Variants in LNPK observed in about 807,000 individuals in gnomAD.
LNPK encodes the protein endoplasmic reticulum junction formation protein lunapark.
Under a neutral mutation model 55.2 loss-of-function variants are expected in LNPK, and 29 were observed. The observed-to-expected ratio is 0.53, with a 90% CI of 0.39 to 0.72. The LOEUF is 0.72. Ranked by LOEUF, LNPK falls within the 30% of genes least tolerant of loss-of-function variation. The pLI is 0.00. For synonymous variants in LNPK, 162 were observed against 168.2 expected (o/e 0.96, Z 0.29); for missense variants, 467 against 494.8 (o/e 0.94, Z 0.53).
chr2:175,950,868 C>G (rs1195609856), intron 8 of LNPK, among the ~76,000 whole-genome samples: 1 of 152,016 alleles, frequency 6.6e-6, no homozygotes, highest in Non-Finnish European at 1.5e-5. Context: ...CTAAAGGTTC[C>G]AACGATTATT....
intron 9 of LNPK, among the ~76,000 whole-genome samples, chr2:175,943,215 A>T (rs1574822249): frequency 4.6e-5 from 2 of 43,546 alleles, no homozygotes; most frequent in African/African-American, 1.6e-4. Flanking sequence ...ATTTTTAGTT[A>T]AAAAAAAAAA....
At chr2:176,001,791 AC>A (rs1440283713) in intron 1 of LNPK, among the ~76,000 whole-genome samples, 4 of 151,992 alleles carry the variant, frequency 2.6e-5, no homozygotes, top group Non-Finnish European at 5.9e-5. Flanking sequence ...TCTTTGCCCC[AC>A]CTGTGTCGAG....
intron 4 of LNPK, among the ~76,000 whole-genome samples, chr2:175,991,578 A>G (rs1252990934): frequency 6.6e-6 from 1 of 152,166 alleles, no homozygotes; most frequent in East Asian, 1.9e-4. Context: ...TGTTTATAAC[A>G]TTCATCATAC....
chr2:175,932,143 C>T, intron 12 of LNPK: 1 of 454,704 alleles, frequency 2.2e-6, no homozygotes, highest in Non-Finnish European at 4.4e-6. Flanking sequence ...TTCTGTCTGA[C>T]AGACTGCCTC....
rs1684177643 is a variant in LNPK, at chr2:175,929,862, C to A, written c.*105G>T. The A allele has an allele frequency of 2.0e-6, 3 of 1,508,988 alleles. No homozygotes were observed. Among genetic ancestry groups the A allele is most frequent in the African/African-American group, 2.8e-5 (2 of 71,540 alleles). The allele number at this position is 1,508,988 out of a possible 1,614,324, so 93.5% of individuals were successfully genotyped here. ...AGGCAATCTGAATTCAAATGATACACAAGCATACCCTTAGAGGGGCAAAAA... is the reference window on the plus strand; with the variant it reads ...AGGCAATCTGAATTCAAATGATACAAAAGCATACCCTTAGAGGGGCAAAAA... On this transcript the variant is annotated 3_prime_UTR_variant, in exon 13 of 13. Coordinates refer to ENST00000272748, the MANE Select transcript of LNPK (RefSeq NM_030650.3).
chr2:175,947,334 T>C (rs1685183303), intron 9 of LNPK, 146 bp downstream of exon 9: 4 of 636,554 alleles, frequency 6.3e-6, no homozygotes, highest in South Asian at 4.4e-5. Flanking sequence ...TTATGGCTAA[T>C]TGAATATGGA....
chr2:175,962,275 G>C (rs1574854273), intron 8 of LNPK, among the ~76,000 whole-genome samples: 2 of 152,266 alleles, frequency 1.3e-5, no homozygotes, highest in Admixed American at 6.5e-5. Context: ...AACAAAGCTG[G>C]AGGCATCACA....
intron 8 of LNPK, among the ~76,000 whole-genome samples, chr2:175,948,864 C>T (rs931228338): frequency 6.6e-6 from 1 of 152,078 alleles, no homozygotes; most frequent in Admixed American, 6.6e-5. Flanking sequence ...CAGGGCCCTG[C>T]AGTTAGAAAG....
chr2:175,986,870 C>T (rs1687439050), intron 4 of LNPK, among the ~76,000 whole-genome samples: 2 of 150,830 alleles, frequency 1.3e-5, no homozygotes, highest in Admixed American at 6.6e-5. Context: ...CAAAAAAACA[C>T]ATCAAGTATG....
intron 12 of LNPK, chr2:175,935,920 T>C (rs560465371): frequency 6.6e-6 from 1 of 150,988 alleles, no homozygotes; most frequent in South Asian, 2.1e-4. Flanking sequence ...TCTTCCTGTC[T>C]TTTTTTTTTG....
chr2:175,946,800 A>G (rs376067989), intron 9 of LNPK, among the ~76,000 whole-genome samples: 8 of 152,290 alleles, frequency 5.3e-5, no homozygotes, highest in African/African-American at 1.9e-4. Context: ...TACATAAAAC[A>G]ATGTGATCTG....
chr2:175,980,335 A>G (rs1393194538), intron 4 of LNPK, among the ~76,000 whole-genome samples: 2 of 152,226 alleles, frequency 1.3e-5, no homozygotes, highest in Non-Finnish European at 2.9e-5. Flanking sequence ...TTAACAATAG[A>G]GGGACAGTCT....
At position 175,942,925 on chromosome 2, in the gene LNPK, G is replaced by GA. The variant is rs1028436094; in HGVS notation, c.707-3269dup. ...GTTAACCTCTAGCCAGACTAATCAG[G>GA]AAAAAAAAAAAAGAAGATACAAACT... On this transcript the variant is annotated intron_variant, in intron 9 of 12. Transcript: ENST00000272748. 1.2e-3 allele frequency among the ~76,000 whole-genome samples: 155 copies of GA among 133,930 alleles called. 1 individual carries two copies. Among genetic ancestry groups the GA allele is most frequent in the East Asian group, 0.011 (50 of 4,692 alleles). 87.9% of individuals were successfully genotyped at this position (133,930 alleles called of 152,430 possible). A position where few individuals can be genotyped will look rare whatever the true frequency, so the allele number is the denominator to read the frequency against.
intron 5 of LNPK, among the ~76,000 whole-genome samples, chr2:175,975,302 T>TAA (rs1436276435): frequency 3.9e-5 from 6 of 152,234 alleles, no homozygotes; most frequent in African/African-American, 1.4e-4. Context: ...CTAACCCATT[T>TAA]AAGCAAGAAA....
At position 175,924,080 on chromosome 2, in the gene LNPK, T is replaced by C. The variant is rs1683905064; in HGVS notation, c.*5887A>G. The C allele has an allele frequency of 6.6e-6, 1 of 152,194 alleles. No individual in the cohort carries two copies. The highest frequency in any genetic ancestry group is 1.5e-5 in the Non-Finnish European group (1 of 68,014). 9.4% of individuals were successfully genotyped at this position (152,194 alleles called of 1,614,324 possible). On this transcript the variant is annotated 3_prime_UTR_variant, in exon 13 of 13. Transcript: ENST00000272748. ...CTGTAACATACAGCAGATCACCAAT[T>C]CACAATCATCTCTACCTTGGTTCAT...
At chr2:175,970,701 A>T (rs1016860377) in intron 6 of LNPK, 63 bp downstream of exon 6, 2 of 909,802 alleles carry the variant, frequency 2.2e-6, no homozygotes, top group Non-Finnish European at 3.0e-6. Context: ...CCAACACATA[A>T]ACATTAATTA....
At chr2:175,976,841 C>G (rs902573087) in intron 5 of LNPK, among the ~76,000 whole-genome samples, 6 of 152,188 alleles carry the variant, frequency 3.9e-5, no homozygotes, top group Non-Finnish European at 7.3e-5. Flanking sequence ...TCCTGGGTCT[C>G]CAGCTTGCTA....
At chr2:175,967,877 C>T (rs979126521) in intron 6 of LNPK, 4 of 476,700 alleles carry the variant, frequency 8.4e-6, no homozygotes, top group African/African-American at 4.2e-5. Flanking sequence ...CATTTTAAGC[C>T]GCTATAAGGT....
chr2:175,936,728 T>G (rs1430202041), intron 12 of LNPK, among the ~76,000 whole-genome samples: 1 of 152,180 alleles, frequency 6.6e-6, no homozygotes, highest in Admixed American at 6.5e-5. Flanking sequence ...AATTGTAAGA[T>G]GAATTCTAAA....
Sources: gnomAD v4.1 joint callset for allele counts (sites outside exome capture counted in the v4.1 genomes callset) on GRCh38, gnomAD v4.1.1 for gene constraint, MANE v1.5 for transcripts, NCBI Gene and HGNC (gene_info 2026-07-23, HGNC 2026-07-21) for gene names.